Variants in CYP4B1 observed in about 807,000 individuals in gnomAD.
CYP4B1 encodes cytochrome P450 4B1.
A neutral mutation model predicts 54.0 loss-of-function variants in CYP4B1; 45 were observed. That is an observed-to-expected ratio of 0.83 (90% CI 0.66 to 1.07). CYP4B1 has a LOEUF of 1.07. Ranked by LOEUF, CYP4B1 falls within the 50% of genes least tolerant of loss-of-function variation. CYP4B1 has a pLI of 0.00. For synonymous variants in CYP4B1, 248 were observed against 247.5 expected (o/e 1.00, Z -0.02); for missense variants, 656 against 655.4 (o/e 1.00, Z -0.01).
At chr1:46,802,190 G>GGTGTGT in intron 1 of CYP4B1, among the ~76,000 whole-genome samples, 1 of 151,286 alleles carries the variant, frequency 6.6e-6, no homozygotes, top group Middle Eastern at 3.4e-3. Context: ...GGTGTGTGTG[G>GGTGTGT]GTGTGTGTGT....
At chr1:46,812,385 GCC>G in intron 3 of CYP4B1, 109 bp from the exon 4 acceptor site, 1 of 1,314,580 alleles carries the variant, frequency 7.6e-7, no homozygotes. Context: ...TCGCTTAGTG[GCC>G]CACCCTTGGA....
intron 9 of CYP4B1, among the ~76,000 whole-genome samples, chr1:46,817,655 G>A (rs1411855738): frequency 6.6e-6 from 1 of 152,232 alleles, no homozygotes; most frequent in East Asian, 1.9e-4. Context: ...CTTCCCAAGA[G>A]TCAGTTAGCT....
At chr1:46,815,670 A>G (rs1679307938) in intron 8 of CYP4B1, among the ~76,000 whole-genome samples, 1 of 152,142 alleles carries the variant, frequency 6.6e-6, no homozygotes, top group African/African-American at 2.4e-5. Flanking sequence ...TTGCCTTTGG[A>G]TGGCAATACT....
At chr1:46,799,348 G>T in intron 1 of CYP4B1, 87 bp downstream of exon 1, 1 of 1,285,696 alleles carries the variant, frequency 7.8e-7, no homozygotes. Flanking sequence ...GGGCTGTGGA[G>T]GGAGACTTCA....
chr1:46,800,301 C>T lies in CYP4B1; in HGVS notation c.180+1040C>T. Among the ~76,000 whole-genome samples, 2 of 137,544 alleles carry T rather than the reference C, an allele frequency of 1.5e-5. 1 individual carries two copies. The highest frequency in any genetic ancestry group is 5.5e-5 in the African/African-American group (2 of 36,454). 90.2% of individuals were successfully genotyped at this position (137,544 alleles called of 152,430 possible). A position where few individuals can be genotyped will look rare whatever the true frequency, so the allele number is the denominator to read the frequency against. On this transcript the variant is annotated intron_variant, in intron 1 of 11. Transcript: ENST00000371923. ...TCCTTCCTTCCTTCCTTCCTTCCTT[C>T]TTTCCTTCCTTCTCTTTCTCTCTCT...
intron 7 of CYP4B1, chr1:46,814,652 A>G (rs926503196): frequency 1.8e-5 from 6 of 326,720 alleles, no homozygotes; most frequent in Non-Finnish European, 2.8e-5. Context: ...TTATTCATCA[A>G]TTCTAGAAAC....
At chr1:46,800,370 TC>T (rs1678608875) in intron 1 of CYP4B1, among the ~76,000 whole-genome samples, 1 of 150,820 alleles carries the variant, frequency 6.6e-6, no homozygotes, top group Non-Finnish European at 1.5e-5. Flanking sequence ...TTGCTCTCTC[TC>T]CCAGGCTGGG....
At chr1:46,810,700 C>A in intron 1 of CYP4B1, 108 bp from the exon 2 acceptor site, 1 of 1,225,872 alleles carries the variant, frequency 8.2e-7, no homozygotes, top group Non-Finnish European at 1.2e-6. Flanking sequence ...GGTAAGGAAG[C>A]AACCAGGGCC....
At chr1:46,818,324 G>C (rs1679422093) in intron 11 of CYP4B1, 111 bp downstream of exon 11, 1 of 1,012,852 alleles carries the variant, frequency 9.9e-7, no homozygotes, top group Non-Finnish European at 1.5e-6. Flanking sequence ...AATCATGCTG[G>C]GTTTGTGGTG....
chr1:46,802,275 C>T (rs921337965), intron 1 of CYP4B1, among the ~76,000 whole-genome samples: 19 of 152,138 alleles, frequency 1.2e-4, no homozygotes, highest in Admixed American at 1.2e-3. Context: ...CCCAGCCATG[C>T]CCTTTGCTGT....
intron 1 of CYP4B1, among the ~76,000 whole-genome samples, chr1:46,808,669 C>T (rs1242703520): frequency 1.1e-4 from 17 of 151,102 alleles, no homozygotes; most frequent in South Asian, 4.2e-4. Flanking sequence ...CACATGCACA[C>T]GTATGTTTAT....
rs1388991962 is a variant in CYP4B1 at position 46,818,503 on chromosome 1, G to A, written c.1356-128G>A. ...CCCAAGGTTTGTTTCATAAGCCCAGGTCAACCAATCTATCAGCCAGTTATT... is the reference window on the plus strand; with the variant it reads ...CCCAAGGTTTGTTTCATAAGCCCAGATCAACCAATCTATCAGCCAGTTATT... On this transcript the variant is annotated intron_variant, in intron 11 of 11. Coordinates refer to ENST00000371923, the MANE Select transcript of CYP4B1 (RefSeq NM_001099772.2). The A allele has an allele frequency of 6.9e-6, 7 of 1,012,584 alleles. No homozygotes were observed. The East Asian group carries it at 1.5e-4, about 22-fold the overall frequency. The allele number at this position is 1,012,584 out of a possible 1,614,324, so 62.7% of individuals were successfully genotyped here. A position where few individuals can be genotyped will look rare whatever the true frequency, so the allele number is the denominator to read the frequency against.
intron 1 of CYP4B1, among the ~76,000 whole-genome samples, chr1:46,799,807 C>T (rs964600517): frequency 6.6e-6 from 1 of 152,254 alleles, no homozygotes; most frequent in Non-Finnish European, 1.5e-5. Flanking sequence ...GGAGCCGTGA[C>T]ACCTTCCCAG....
intron 8 of CYP4B1, chr1:46,815,561 C>G (rs1301684457): frequency 3.7e-6 from 1 of 269,686 alleles, no homozygotes; most frequent in African/African-American, 2.2e-5. Context: ...GATTACCCTT[C>G]TGGGTCCCTG....
intron 3 of CYP4B1, chr1:46,812,180 G>A (rs1488367748): frequency 2.0e-6 from 1 of 506,170 alleles, no homozygotes; most frequent in African/African-American, 1.9e-5. Context: ...TCCCCAGGGG[G>A]ATGCGTGTCC....
At chr1:46,812,917 T>C (rs545165073) in intron 4 of CYP4B1, among the ~76,000 whole-genome samples, 2 of 152,324 alleles carry the variant, frequency 1.3e-5, no homozygotes, top group Admixed American at 1.3e-4. Context: ...GAGAACTTAA[T>C]AAGGCTCCTA....
rs557491224 is a variant in CYP4B1, at chr1:46,818,756, G to A, written c.1481G>A (p.Arg494His). The A allele has an allele frequency of 5.4e-5, 87 of 1,614,114 alleles. No homozygotes were observed. The highest frequency in any genetic ancestry group is 3.4e-4 in the South Asian group (31 of 91,074). The change falls in exon 12 of 12, where the codon CGC (arginine) becomes CAC (histidine). Residue 494 changes from arginine (R) to histidine (H), a missense_variant. Arg to His is a conservative substitution (Grantham distance 29, BLOSUM62 0). Transcript: ENST00000371923. ...ATCAAGATGCCCCAGCTTGTCCTGC[G>A]CTCCAAGAATGGCTTTCACCTCCAC... ...LPIKMPQLVL[R>H]SKNGFHLHLK...
chr1:46,816,514 A>G (rs963217672), intron 8 of CYP4B1, among the ~76,000 whole-genome samples: 1 of 151,914 alleles, frequency 6.6e-6, no homozygotes, highest in African/African-American at 2.4e-5. Flanking sequence ...CTGCAATAAA[A>G]TATTGCCCTG....
intron 3 of CYP4B1, 86 bp from the exon 4 acceptor site, chr1:46,812,410 C>T (rs1679143030): frequency 6.7e-7 from 1 of 1,482,634 alleles, no homozygotes; most frequent in South Asian, 1.3e-5. Flanking sequence ...GTTCCAGGCT[C>T]AGGGATGGAG....
Sources: allele counts gnomAD v4.1 joint callset (sites outside exome capture counted in the v4.1 genomes callset), GRCh38; gene constraint gnomAD v4.1.1; transcripts MANE v1.5; gene names NCBI Gene and HGNC (gene_info 2026-07-23, HGNC 2026-07-21).